The following ABCG2 variants were observed in gnomAD, a reference collection of about 807,000 sequenced individuals.
ABCG2 encodes the protein ATP binding cassette subfamily G member 2 (JR blood group), also known as broad substrate specificity ATP-binding cassette transporter ABCG2.
In ABCG2, 80 loss-of-function variants were observed where a neutral mutation model predicts 73.5. That is an observed-to-expected ratio of 1.09 (90% CI 0.91 to 1.31). The LOEUF is 1.31. Ranked by LOEUF, ABCG2 falls within the 50% of genes most tolerant of loss-of-function variation. The probability of loss-of-function intolerance (pLI) is 0.00; values close to 1 mark genes in which losing one functional copy is unlikely to be tolerated. For missense variants in ABCG2, 796 were observed against 786.2 expected (o/e 1.01, Z -0.15); for synonymous variants, 269 against 282.4 (o/e 0.95, Z 0.48).
intron 1 of ABCG2, among the ~76,000 whole-genome samples, chr4:88,173,904 C>G (rs1380916780): frequency 1.3e-5 from 2 of 152,140 alleles, no homozygotes; most frequent in Non-Finnish European, 2.9e-5. Flanking sequence ...AAATCAAAAT[C>G]CAAATAATGT....
intron 2 of ABCG2, among the ~76,000 whole-genome samples, chr4:88,137,794 G>A (rs1225933871): frequency 6.6e-6 from 1 of 152,212 alleles, no homozygotes; most frequent in Admixed American, 6.5e-5. Flanking sequence ...ACAAAGTGAT[G>A]AGAACAAATG....
intron 1 of ABCG2, among the ~76,000 whole-genome samples, chr4:88,205,745 C>T (rs1200675260): frequency 3.3e-5 from 5 of 152,056 alleles, no homozygotes; most frequent in African/African-American, 9.7e-5. Context: ...TGCAGTGGCG[C>T]GATCTCAGCT....
intron 2 of ABCG2, among the ~76,000 whole-genome samples, chr4:88,136,745 G>C (rs1725272904): frequency 6.6e-6 from 1 of 151,406 alleles, no homozygotes; most frequent in African/African-American, 2.4e-5. Context: ...GCTGGGCACG[G>C]TGGCTTATGC....
intron 6 of ABCG2, among the ~76,000 whole-genome samples, chr4:88,120,102 T>C (rs1313377460): frequency 6.6e-6 from 1 of 152,180 alleles, no homozygotes; most frequent in Non-Finnish European, 1.5e-5. Flanking sequence ...CTTGGTACCC[T>C]ATGTTTCAGC....
At chr4:88,181,569 A>G (rs1728254083) in intron 1 of ABCG2, among the ~76,000 whole-genome samples, 1 of 152,108 alleles carries the variant, frequency 6.6e-6, no homozygotes, top group South Asian at 2.1e-4. Context: ...CACACCTACA[A>G]AAAATAAAAG....
At chr4:88,101,998 C>A (rs775793622) in intron 10 of ABCG2, among the ~76,000 whole-genome samples, 4 of 152,110 alleles carry the variant, frequency 2.6e-5, no homozygotes, top group Non-Finnish European at 5.9e-5. Context: ...TTAAGAAATT[C>A]AATTAGCCAC....
At chr4:88,101,673 G>GGGAGAGTGTAAT (rs1722431869) in intron 10 of ABCG2, among the ~76,000 whole-genome samples, 1 of 152,258 alleles carries the variant, frequency 6.6e-6, no homozygotes, top group East Asian at 1.9e-4. Context: ...TAGGGAGGTG[G>GGGAGAGTGTAAT]GGAGAGTGTA....
chr4:88,186,480 A>T (rs554651035), intron 1 of ABCG2, among the ~76,000 whole-genome samples: 121 of 152,272 alleles, frequency 7.9e-4, no homozygotes, highest in African/African-American at 2.9e-3. Context: ...TACATTTTTT[A>T]AAATGGTGGT....
At chr4:88,169,737 T>G (rs981234255) in intron 1 of ABCG2, among the ~76,000 whole-genome samples, 1 of 152,104 alleles carries the variant, frequency 6.6e-6, no homozygotes, top group African/African-American at 2.4e-5. Context: ...CTCAAGCAGA[T>G]GTCATCTAAC....
chr4:88,160,284 G>A (rs1056309297), upstream of ABCG2, among the ~76,000 whole-genome samples: 10 of 151,346 alleles, frequency 6.6e-5, no homozygotes, highest in African/African-American at 1.9e-4. Context: ...AGACCTGGCC[G>A]TTAACGACTG....
intron 1 of ABCG2, among the ~76,000 whole-genome samples, chr4:88,195,093 G>A (rs1728889906): frequency 6.6e-6 from 1 of 152,068 alleles, no homozygotes; most frequent in African/African-American, 2.4e-5. Context: ...TTACCGCCAG[G>A]CCTGGGGGCT....
intron 5 of ABCG2, among the ~76,000 whole-genome samples, chr4:88,123,182 C>T (rs762373109): frequency 1.3e-5 from 2 of 152,156 alleles, no homozygotes; most frequent in Non-Finnish European, 2.9e-5. Flanking sequence ...AGGTCACCAG[C>T]ATCAAAGACC....
intron 15 of ABCG2, among the ~76,000 whole-genome samples, chr4:88,093,330 C>A (rs918047618): frequency 2.6e-5 from 4 of 151,954 alleles, no homozygotes; most frequent in African/African-American, 9.7e-5. Flanking sequence ...TGGTGAAACT[C>A]CATCTCTACT....
At chr4:88,217,192 T>C (rs1729846351) in intron 1 of ABCG2, among the ~76,000 whole-genome samples, 1 of 152,126 alleles carries the variant, frequency 6.6e-6, no homozygotes, top group South Asian at 2.1e-4. Flanking sequence ...AAGTCTCATA[T>C]TCTCAAAATT....
At chr4:88,201,318 G>T (rs770702020) in intron 1 of ABCG2, among the ~76,000 whole-genome samples, 3 of 151,422 alleles carry the variant, frequency 2.0e-5, no homozygotes, top group Non-Finnish European at 2.9e-5. Flanking sequence ...AAAAAGAGTG[G>T]ACATCACTTA....
chr4:88,213,710 G>T (rs1729689731), intron 1 of ABCG2, among the ~76,000 whole-genome samples: 1 of 151,904 alleles, frequency 6.6e-6, no homozygotes, highest in Non-Finnish European at 1.5e-5. Flanking sequence ...TTGAGACAGA[G>T]TCTTGCTCTG....
intron 1 of ABCG2, among the ~76,000 whole-genome samples, chr4:88,145,598 C>G (rs192286694): frequency 6.6e-6 from 1 of 152,132 alleles, no homozygotes. Context: ...GCCACTGAGG[C>G]CTTTTAATCA....
chr4:88,188,491 G>A (rs56892189), intron 1 of ABCG2, among the ~76,000 whole-genome samples: 42,965 of 151,834 alleles, frequency 0.28, 6,681 homozygotes, highest in Middle Eastern at 0.42. Flanking sequence ...GAGATTAGAA[G>A]CATGAGCCAC....
chr4:88,095,852 A>T (rs1721949188), intron 13 of ABCG2, among the ~76,000 whole-genome samples: 1 of 152,224 alleles, frequency 6.6e-6, no homozygotes, highest in South Asian at 2.1e-4. Context: ...TACATATTAG[A>T]TATTCCATTT....
Sources: gnomAD v4.1 joint callset for allele counts (sites outside exome capture counted in the v4.1 genomes callset) on GRCh38, gnomAD v4.1.1 for gene constraint, MANE v1.5 for transcripts, NCBI Gene and HGNC (gene_info 2026-07-23, HGNC 2026-07-21) for gene names.